GRID2IP: variants seen among roughly 807,000 people sequenced by gnomAD.
GRID2IP encodes the protein Grid2 interacting protein.
Under a neutral mutation model 114.3 loss-of-function variants are expected in GRID2IP, and 78 were observed. The ratio of observed to expected loss-of-function variants is 0.68; its 90% CI spans 0.57 to 0.82. The LOEUF (loss-of-function observed/expected upper bound fraction) is 0.82. Among genes scored for constraint, GRID2IP ranks in the 40% least tolerant of loss-of-function variants. GRID2IP has a pLI of 0.00. For synonymous variants in GRID2IP, 809 were observed against 724.0 expected (o/e 1.12, Z -1.89); for missense variants, 1,727 against 1,678.5 (o/e 1.03, Z -0.51).
At chr7:6,511,064 G>A (rs1779141463) in intron 8 of GRID2IP, 25 bp from the exon 9 acceptor site, 3 of 1,393,052 alleles carry the variant, frequency 2.2e-6, no homozygotes, top group Middle Eastern at 2.1e-4. Flanking sequence ...GGGAACATGG[G>A]GCCCTCTTGC....
chr7:6,503,914 G>A (rs558046865), intron 15 of GRID2IP, among the ~76,000 whole-genome samples: 3 of 150,950 alleles, frequency 2.0e-5, no homozygotes, highest in African/African-American at 7.3e-5. Context: ...ATTGGCCTGG[G>A]CTAAGGGGAA....
At chr7:6,547,866 G>A (rs1477587186) in intron 1 of GRID2IP, among the ~76,000 whole-genome samples, 7 of 152,264 alleles carry the variant, frequency 4.6e-5, no homozygotes, top group Admixed American at 4.6e-4. Context: ...CCTGATGCCT[G>A]GGCAGTGGGC....
At chr7:6,518,851 G>C (rs1186501861) in intron 7 of GRID2IP, among the ~76,000 whole-genome samples, 1 of 152,176 alleles carries the variant, frequency 6.6e-6, no homozygotes, top group Non-Finnish European at 1.5e-5. Context: ...ACATTGGACA[G>C]AGCTAAACAC....
intron 8 of GRID2IP, among the ~76,000 whole-genome samples, chr7:6,512,730 C>T (rs531769463): frequency 4.6e-5 from 7 of 152,172 alleles, no homozygotes; most frequent in African/African-American, 7.2e-5. Context: ...AGGCTTGTCT[C>T]GAACTCCTGA....
Position 6,508,955 on chromosome 7 carries a change from C to A in GRID2IP, c.2127+3G>T. On this transcript the variant is annotated splice_donor_region_variant and intron_variant, in intron 12 of 21. Transcript: ENST00000457091. The surrounding 1 kb of genome is among the most constrained non-coding windows in gnomAD (Gnocchi z 5.6). ...CTCCCTCCACACCTGCTTGCGTGCC[C>A]ACCTCCTCGTAGTCGTTCTCCGGGG... The A allele has an allele frequency of 6.5e-7, 1 of 1,545,186 alleles. No individual in the cohort carries two copies. Among genetic ancestry groups the A allele is most frequent in the Non-Finnish European group, 8.7e-7 (1 of 1,146,274 alleles).
intron 15 of GRID2IP, among the ~76,000 whole-genome samples, chr7:6,504,509 G>A (rs568333173): frequency 6.6e-6 from 1 of 152,086 alleles, no homozygotes; most frequent in African/African-American, 2.4e-5. Context: ...GGTCTATGGG[G>A]GTCGGGCCAG....
chr7:6,515,688 G>T (rs549734429), intron 7 of GRID2IP, among the ~76,000 whole-genome samples: 129 of 150,902 alleles, frequency 8.5e-4, no homozygotes, highest in African/African-American at 2.9e-3. Context: ...TGAGGCAGGA[G>T]AATCGCCTCG....
rs1583346880 is a variant in GRID2IP at position 6,526,471 on chromosome 7, G to A, written c.833+50C>T. On this transcript the variant is annotated intron_variant, in intron 3 of 21. Transcript: ENST00000457091. This position sits in a 1 kb window ranked among gnomAD's most constrained non-coding sequence, Gnocchi z 7.6. Reference sequence around the variant, plus strand: ...CCCTCTCCCCGGGTCTCGGTCCCGAGCCCACCCGCAGGGAGGCGCCCGCTG... The same window carrying A: ...CCCTCTCCCCGGGTCTCGGTCCCGAACCCACCCGCAGGGAGGCGCCCGCTG... 7.1e-7 allele frequency: 1 copy of A among 1,416,022 alleles called. No homozygotes were observed. Among genetic ancestry groups the A allele is most frequent in the Non-Finnish European group, 9.2e-7 (1 of 1,084,524 alleles). 87.7% of individuals were successfully genotyped at this position (1,416,022 alleles called of 1,614,324 possible).
At chr7:6,547,687 C>T (rs570793558) in intron 1 of GRID2IP, among the ~76,000 whole-genome samples, 11 of 152,182 alleles carry the variant, frequency 7.2e-5, no homozygotes, top group African/African-American at 1.9e-4. Context: ...TGTGTGTATG[C>T]GAGTGTGTGT....
In GRID2IP at chr7:6,535,986, T is replaced by G. The variant is rs141515481; in HGVS notation, c.584+3732A>C. On this transcript the variant is annotated intron_variant, in intron 2 of 21. Transcript: ENST00000457091. ...GCTGCCTCCTCCAAGAAGCCTGCCC[T>G]GGTTGCTCTGTGCTGAGTTAGCCAT... Among the ~76,000 whole-genome samples, 724 of 152,272 alleles carry G rather than the reference T, an allele frequency of 4.8e-3. 2 individuals carry two copies. The highest frequency in any genetic ancestry group is 0.016 in the African/African-American group (677 of 41,560).
chr7:6,502,997 C>T lies in GRID2IP; in HGVS notation c.3063+11G>A, dbSNP rs890184719. The stretch of plus-strand genomic sequence containing the variant: ...AGCAGATAGGGTGCCAGGAAGGGTA[C>T]GCCCACTGACCTCCAGGATCTTGGC... On this transcript the variant is annotated intron_variant, in intron 17 of 21. Transcript: ENST00000457091. 3.2e-6 allele frequency: 5 copies of T among 1,551,236 alleles called. No homozygotes were observed. The highest frequency in any genetic ancestry group is 3.9e-5 in the Admixed American group (2 of 50,984).
chr7:6,537,068 A>T (rs1373177191), intron 2 of GRID2IP, among the ~76,000 whole-genome samples: 2 of 152,018 alleles, frequency 1.3e-5, no homozygotes, highest in Non-Finnish European at 2.9e-5. Flanking sequence ...TCGCAGGCCC[A>T]GGAGGCTGGG....
Position 6,503,166 on chromosome 7 carries a change from G to T in GRID2IP, c.2908-3C>A. Reference sequence around the variant, plus strand: ...TTGTATTCGGGAACTGACAGCATCTGCCTCGAAGGCAGAGCCAGGATTCAC... The same window carrying T: ...TTGTATTCGGGAACTGACAGCATCTTCCTCGAAGGCAGAGCCAGGATTCAC... On this transcript the variant is annotated splice_region_variant and splice_polypyrimidine_tract_variant and intron_variant, in intron 16 of 21. Transcript: ENST00000457091. 2.0e-6 allele frequency: 3 copies of T among 1,476,948 alleles called. No individual in the cohort carries two copies. Among genetic ancestry groups the T allele is most frequent in the Non-Finnish European group, 2.7e-6 (3 of 1,104,888 alleles). The allele number at this position is 1,476,948 out of a possible 1,614,324, so 91.5% of individuals were successfully genotyped here. A position where few individuals can be genotyped will look rare whatever the true frequency, so the allele number is the denominator to read the frequency against.
chr7:6,530,083 C>A (rs565761188), intron 2 of GRID2IP, among the ~76,000 whole-genome samples: 4 of 151,266 alleles, frequency 2.6e-5, no homozygotes, highest in African/African-American at 9.7e-5. Context: ...CTCAGCCTCC[C>A]GAGTAGCTGG....
At position 6,551,165 on chromosome 7, in the gene GRID2IP, G is replaced by T; in HGVS notation, c.272C>A (p.Pro91Gln). 1 of 1,356,596 alleles carries T rather than the reference G, an allele frequency of 7.4e-7. No individual in the cohort carries two copies. Among genetic ancestry groups the T allele is most frequent in the Non-Finnish European group, 9.4e-7 (1 of 1,062,510 alleles). 84.0% of individuals were successfully genotyped at this position (1,356,596 alleles called of 1,614,324 possible). ...VLPAPDGGPG[P>Q]GSGPAAPTTV... The stretch of plus-strand genomic sequence containing the variant: ...GGTCGGGGCCGCGGGGCCGGATCCT[G>T]GGCCGGGGCCACCGTCGGGAGCCGG... Residue 91 changes from proline (P) to glutamine (Q), a missense_variant, in exon 1 of 22, where the codon CCA becomes CAA. By Grantham distance (76) the Pro-to-Gln change is moderately conservative. Transcript: ENST00000457091.
chr7:6,537,490 G>T (rs1246079757), intron 2 of GRID2IP, among the ~76,000 whole-genome samples: 1 of 138,900 alleles, frequency 7.2e-6, no homozygotes, highest in Non-Finnish European at 1.5e-5. Context: ...TGATTCTCCT[G>T]CCTCAGCCTC....
At chr7:6,546,344 TG>T (rs1395390391) in intron 1 of GRID2IP, among the ~76,000 whole-genome samples, 4 of 150,798 alleles carry the variant, frequency 2.7e-5, no homozygotes, top group Non-Finnish European at 4.4e-5. Flanking sequence ...CCCAAAGTGC[TG>T]GGATTACAGG....
chr7:6,533,117 A>T (rs939682012), intron 2 of GRID2IP, among the ~76,000 whole-genome samples: 1 of 152,084 alleles, frequency 6.6e-6, no homozygotes, highest in East Asian at 1.9e-4. Flanking sequence ...CAAAATGACA[A>T]CTGACAGGGG....
intron 14 of GRID2IP, 61 bp from the exon 15 acceptor site, chr7:6,504,931 A>G: frequency 7.0e-7 from 1 of 1,420,740 alleles, no homozygotes; most frequent in Non-Finnish European, 9.7e-7. Context: ...GGGAAGGCCC[A>G]GGGGTGGCGT....
Sources: gnomAD v4.1 joint callset for allele counts (sites outside exome capture counted in the v4.1 genomes callset) on GRCh38, gnomAD v4.1.1 for gene constraint, Gnocchi (gnomAD v3.1) non-coding constraint, MANE v1.5 for transcripts, NCBI Gene and HGNC (gene_info 2026-07-23, HGNC 2026-07-21) for gene names.